The following ZNF492 variants were observed in gnomAD, a reference collection of about 807,000 sequenced individuals.
The protein encoded by ZNF492 is zinc finger protein 115 (Y20).
Under a neutral mutation model 6.4 loss-of-function variants are expected in ZNF492, and 3 were observed. The ratio of observed to expected loss-of-function variants is 0.47; its 90% CI spans 0.21 to 1.22. The LOEUF (loss-of-function observed/expected upper bound fraction) is 1.22, where lower values mean the gene tolerates loss of function less well. Ranked by LOEUF, ZNF492 falls within the 50% of genes most tolerant of loss-of-function variation. The pLI, the probability that ZNF492 is intolerant of heterozygous loss-of-function variation, is 0.22. For missense variants in ZNF492, 356 were observed against 612.5 expected (o/e 0.58, Z 4.42); for synonymous variants, 112 against 205.3 (o/e 0.55, Z 3.89).
intron 1 of ZNF492, among the ~76,000 whole-genome samples, chr19:22,649,099 A>G (rs1971913912): frequency 6.6e-6 from 1 of 152,162 alleles, no homozygotes; most frequent in Non-Finnish European, 1.5e-5. Flanking sequence ...TGCTTTCTTC[A>G]GGAGCTCTTG....
intron 1 of ZNF492, among the ~76,000 whole-genome samples, chr19:22,647,807 G>A (rs1054056286): frequency 4.5e-5 from 6 of 134,566 alleles, no homozygotes; most frequent in African/African-American, 1.4e-4. Flanking sequence ...TTGGCTTACT[G>A]CAACCTCCGC....
chr19:22,645,026 G>T (rs1568353068), intron 1 of ZNF492, among the ~76,000 whole-genome samples: 1 of 151,918 alleles, frequency 6.6e-6, no homozygotes, highest in Non-Finnish European at 1.5e-5. Flanking sequence ...AATGCCTTCT[G>T]AGAAGTGTTT....
At chr19:22,638,019 C>T (rs188567688) in intron 1 of ZNF492, among the ~76,000 whole-genome samples, 2 of 152,232 alleles carry the variant, frequency 1.3e-5, no homozygotes, top group East Asian at 1.9e-4. Flanking sequence ...ATGTCTTCTT[C>T]GAAGAAAACA....
intron 3 of ZNF492, among the ~76,000 whole-genome samples, chr19:22,658,390 G>C (rs1972018794): frequency 6.6e-6 from 1 of 151,582 alleles, no homozygotes; most frequent in Non-Finnish European, 1.5e-5. Context: ...CCCAGCTTGG[G>C]TGACAGAGTG....
rs555036513 is a variant in ZNF492, at chr19:22,648,328, C to T, written c.-93-4979C>T. 1.2e-3 allele frequency among the ~76,000 whole-genome samples: 190 copies of T among 152,280 alleles called. 1 individual carries two copies. The highest frequency in any genetic ancestry group is 3.4e-3 in the African/African-American group (141 of 41,570). On this transcript the variant is annotated intron_variant, in intron 1 of 3. Transcript: ENST00000456783. ...TCTGAGAGACTGTTTGTTACCATTT[C>T]AGTCCTGTTGCATTGGCTGAGGAGA...
intron 3 of ZNF492, among the ~76,000 whole-genome samples, chr19:22,659,768 C>T (rs1331310568): frequency 3.3e-5 from 5 of 149,780 alleles, no homozygotes; most frequent in South Asian, 2.1e-4. Flanking sequence ...TAGGTTCAAG[C>T]GATTCTCCTG....
At chr19:22,642,547 G>A (rs1005615254) in intron 1 of ZNF492, among the ~76,000 whole-genome samples, 1 of 149,236 alleles carries the variant, frequency 6.7e-6, no homozygotes, top group Admixed American at 6.7e-5. Context: ...CCACCACCAC[G>A]CCCGGCTAAT....
chr19:22,658,142 C>CCAGTCATGGTGGTGGTT (rs1244418416), intron 3 of ZNF492, among the ~76,000 whole-genome samples: 3 of 152,004 alleles, frequency 2.0e-5, no homozygotes, highest in Non-Finnish European at 1.5e-5. Flanking sequence ...CATTTCATGG[C>CCAGTCATGGTGGTGGTT]CAGTCATGGT....
chr19:22,637,150 T>TG (rs1971777106), intron 1 of ZNF492, among the ~76,000 whole-genome samples: 1 of 151,518 alleles, frequency 6.6e-6, no homozygotes, highest in Non-Finnish European at 1.5e-5. Context: ...TATTTATTTT[T>TG]ATTTTTTTAG....
intron 1 of ZNF492, among the ~76,000 whole-genome samples, chr19:22,635,486 A>T (rs1282547796): frequency 1.3e-5 from 2 of 152,250 alleles, no homozygotes; most frequent in Non-Finnish European, 2.9e-5. Flanking sequence ...ATTAGATGGC[A>T]TATTTAAAAA....
rs1364547157 is a variant in ZNF492 at position 22,665,464 on chromosome 19, A to G, written c.*199A>G. 7.2e-6 allele frequency: 8 copies of G among 1,116,244 alleles called. No homozygotes were observed. The highest frequency in any genetic ancestry group is 8.7e-6 in the Non-Finnish European group (7 of 806,618). 69.1% of individuals were successfully genotyped at this position (1,116,244 alleles called of 1,614,324 possible). On this transcript the variant is annotated 3_prime_UTR_variant, in exon 4 of 4. Transcript: ENST00000456783. ...TATAAAGAAAGTAAAAAAGTGATTA[A>G]TATCTGTGCACATCTTATTCAACAT...
chr19:22,653,433 G>A lies in ZNF492; in HGVS notation c.34G>A (p.Gly12Ser). 6.2e-7 allele frequency: 1 copy of A among 1,613,418 alleles called. No homozygotes were observed. Among genetic ancestry groups the A allele is most frequent in the Non-Finnish European group, 8.5e-7 (1 of 1,179,904 alleles). The change falls in exon 2 of 4, where the codon GGT becomes AGT. Residue 12 changes from glycine to serine, a missense_variant and splice_region_variant. By Grantham distance (56) the Gly-to-Ser change is moderately conservative. Around this residue, in one of 7 missense-constraint regions of ZNF492, gnomAD observed 196 missense variants for 219.4 expected, o/e 0.89. Coordinates refer to ENST00000456783, the MANE Select transcript of ZNF492 (RefSeq NM_020855.3). ...GAACTACAGAAACCTGGTCTTCGTGGGTGAGGATAACTTCAATATACAATT... is the reference window on the plus strand; with the variant it reads ...GAACTACAGAAACCTGGTCTTCGTGAGTGAGGATAACTTCAATATACAATT... ...LENYRNLVFV[G>S]IAASKPDLIT...
chr19:22,646,670 T>C (rs1442789413), intron 1 of ZNF492, among the ~76,000 whole-genome samples: 1 of 152,250 alleles, frequency 6.6e-6, no homozygotes, highest in Non-Finnish European at 1.5e-5. Context: ...AAACAGCTCC[T>C]ATTATTTTGA....
chr19:22,663,807 T>C lies in ZNF492; in HGVS notation c.138T>C (p.Cys46=). 1.3e-6 allele frequency: 2 copies of C among 1,514,726 alleles called. No individual in the cohort carries two copies. The highest frequency in any genetic ancestry group is 4.8e-5 in the Admixed American group (2 of 41,904). The allele number at this position is 1,514,726 out of a possible 1,614,324, so 93.8% of individuals were successfully genotyped here. ...TATTTTTATTTCTTTCAGTTGTATG[T>C]TCTTATTTTGCCCGAGACCTTTGGC... The part of the protein sequence containing the change: ...HEMVAEPPVV[C]SYFARDLWPK... Residue 46 remains cysteine, a synonymous_variant, in exon 4 of 4, where the codon TGT becomes TGC. Coordinates refer to ENST00000456783, the MANE Select transcript of ZNF492 (RefSeq NM_020855.3).
chr19:22,658,688 A>G lies in ZNF492; in HGVS notation c.130+4673A>G, dbSNP rs4024183. On this transcript the variant is annotated intron_variant, in intron 3 of 3. Transcript: ENST00000456783. ...TGCTTTTTTTCAAACTGAGTAATAT[A>G]TTGGCATTTTTGTATTTCAAATTAT... 1.0e-4 allele frequency among the ~76,000 whole-genome samples: 14 copies of G among 136,358 alleles called. 3 individuals are homozygous for G. Among genetic ancestry groups the G allele is most frequent in the African/African-American group, 4.1e-4 (13 of 32,094 alleles). The allele number at this position is 136,358 out of a possible 152,430, so 89.5% of individuals were successfully genotyped here. A position where few individuals can be genotyped will look rare whatever the true frequency, so the allele number is the denominator to read the frequency against.
At chr19:22,655,675 A>ATTTTT (rs201831166) in intron 3 of ZNF492, among the ~76,000 whole-genome samples, 10 of 109,462 alleles carry the variant, frequency 9.1e-5, no homozygotes, top group African/African-American at 3.7e-4. Context: ...CAGTGACTTA[A>ATTTTT]TTTTTTTTTT....
At chr19:22,655,816 G>GTTT (rs987078429) in intron 3 of ZNF492, among the ~76,000 whole-genome samples, 10 of 51,796 alleles carry the variant, frequency 1.9e-4, no homozygotes, top group Admixed American at 4.4e-4. Flanking sequence ...TTTTCTTGTT[G>GTTT]TTTTTTTTTT....
intron 3 of ZNF492, among the ~76,000 whole-genome samples, chr19:22,654,599 C>T (rs1001163740): frequency 7.0e-6 from 1 of 142,238 alleles, no homozygotes; most frequent in South Asian, 2.3e-4. Context: ...TTTTCTTTTT[C>T]TCTTTCTTTT....
chr19:22,637,787 A>G (rs1971783215), intron 1 of ZNF492, among the ~76,000 whole-genome samples: 2 of 152,174 alleles, frequency 1.3e-5, no homozygotes, highest in South Asian at 4.1e-4. Flanking sequence ...TAGTTCTGTG[A>G]GGAATCGTCA....
Sources: gnomAD v4.1 joint callset for allele counts (sites outside exome capture counted in the v4.1 genomes callset) on GRCh38, gnomAD v4.1.1 for gene constraint, gnomAD v4.1.1 regional missense constraint, MANE v1.5 for transcripts, NCBI Gene and HGNC (gene_info 2026-07-23, HGNC 2026-07-21) for gene names.